The following KIRREL3 variants were observed in gnomAD, a reference collection of about 807,000 sequenced individuals.
KIRREL3 encodes the protein kirre like nephrin family adhesion molecule 3.
Under a neutral mutation model 89.7 loss-of-function variants are expected in KIRREL3, and 36 were observed. That is an observed-to-expected ratio of 0.40 (90% CI 0.31 to 0.53). The LOEUF (loss-of-function observed/expected upper bound fraction) is 0.53, where lower values mean the gene tolerates loss of function less well. Among genes scored for constraint, KIRREL3 ranks in the 20% least tolerant of loss-of-function variants. The pLI, the probability that KIRREL3 is intolerant of heterozygous loss-of-function variation, is 0.49. For missense variants in KIRREL3, 864 were observed against 1,056.6 expected (o/e 0.82, Z 2.53); for synonymous variants, 445 against 441.4 (o/e 1.01, Z -0.10).
At chr11:126,452,649 C>A (rs1035559725) in intron 7 of KIRREL3, among the ~76,000 whole-genome samples, 2 of 152,230 alleles carry the variant, frequency 1.3e-5, no homozygotes, top group Non-Finnish European at 2.9e-5. Context: ...ACCTGCTTGG[C>A]CCCAAGTAAT....
Position 126,611,294 on chromosome 11 carries a change from C to A in KIRREL3, c.56-48382G>T, listed in dbSNP as rs1943118171. Among the ~76,000 whole-genome samples, 1 of 152,188 alleles carries A rather than the reference C, an allele frequency of 6.6e-6. No homozygotes were observed. The highest frequency in any genetic ancestry group is 1.5e-5 in the Non-Finnish European group (1 of 68,028). On this transcript the variant is annotated intron_variant, in intron 1 of 16. Transcript: ENST00000525144. This position sits in a 1 kb window ranked among gnomAD's most constrained non-coding sequence, Gnocchi z 4.7. The stretch of plus-strand genomic sequence containing the variant: ...CCTACCACCGCACCCTCTCCCATTC[C>A]TTTCCTTCTCAATTCTATTGACATT...
At chr11:126,437,037 G>A in intron 11 of KIRREL3, 28 bp from the exon 12 acceptor site, 1 of 1,488,690 alleles carries the variant, frequency 6.7e-7, no homozygotes, top group East Asian at 2.5e-5. Context: ...ATCAGGAGGA[G>A]ACCCCACCAG....
Position 126,429,239 on chromosome 11 carries a change from G to C in KIRREL3, c.1746C>G (p.Val582=), listed in dbSNP as rs1565441937. The C allele has an allele frequency of 9.9e-6, 16 of 1,613,938 alleles. No individual in the cohort carries two copies. The highest frequency in any genetic ancestry group is 1.4e-5 in the Non-Finnish European group (16 of 1,179,848). ...CCCGACCAGAGGCTGGTTCCTTGTG[G>C]ACAATTTCCACTCGGATATCATTTT... is the stretch of plus-strand genomic sequence containing the variant. ...SAKNDIRVEI[V]HKEPASGREG... is the part of the protein sequence containing the mutation. The change falls in exon 15 of 17, where the codon GTC becomes GTG. Residue 582 remains valine, a synonymous_variant. Transcript: ENST00000525144. This position sits in a 1 kb window ranked among gnomAD's most constrained non-coding sequence, Gnocchi z 5.2.
rs985141139 is a variant in KIRREL3, at chr11:126,940,662, T to A, written c.55+59793A>T. 15 of 152,240 alleles carry A rather than the reference T, an allele frequency of 9.9e-5. No individual in the cohort carries two copies. The highest frequency in any genetic ancestry group is 9.2e-4 in the Admixed American group (14 of 15,282). The allele number at this position is 152,240 out of a possible 1,614,324, so 9.4% of individuals were successfully genotyped here. On this transcript the variant is annotated intron_variant, in intron 1 of 16. Transcript: ENST00000525144. This position sits in a 1 kb window ranked among gnomAD's most constrained non-coding sequence, Gnocchi z 4.6. ...TCATTTTTACATTCTAAGGCCATGT[T>A]CTTAGTATTGAACTTGACCACACAG...
intron 1 of KIRREL3, among the ~76,000 whole-genome samples, chr11:126,749,928 C>T (rs1949281265): frequency 6.6e-6 from 1 of 152,098 alleles, no homozygotes; most frequent in South Asian, 2.1e-4. Flanking sequence ...TGTAGAGAAA[C>T]CAGTGCGCGT....
intron 1 of KIRREL3, among the ~76,000 whole-genome samples, chr11:126,975,791 G>A (rs1267946719): frequency 5.9e-5 from 9 of 152,112 alleles, no homozygotes; most frequent in African/African-American, 1.9e-4. Flanking sequence ...TAAGCCTGAA[G>A]AACTCCTAAG....
intron 4 of KIRREL3, among the ~76,000 whole-genome samples, chr11:126,500,912 T>A (rs1957837531): frequency 6.6e-6 from 1 of 152,232 alleles, no homozygotes; most frequent in Non-Finnish European, 1.5e-5. Context: ...TATAATTTAC[T>A]TCATTCACAG....
chr11:127,000,501 G>A lies in KIRREL3; in HGVS notation c.9C>T (p.Pro3=). Residue 3 remains proline (P), a synonymous_variant, in exon 1 of 17, where the codon CCC becomes CCT. Coordinates refer to ENST00000525144, the MANE Select transcript of KIRREL3 (RefSeq NM_032531.4). This position sits in a 1 kb window ranked among gnomAD's most constrained non-coding sequence, Gnocchi z 7.1. ...AGACGAAGAGCAGATCGAGCTGGAA[G>A]GGTTTCATTCCTTAGCGCAGCGAAG... MK[P]FQLDLLFVCF... The A allele has an allele frequency of 1.2e-6, 2 of 1,607,258 alleles. No individual in the cohort carries two copies. The highest frequency in any genetic ancestry group is 1.7e-6 in the Non-Finnish European group (2 of 1,176,918).
In KIRREL3 at chr11:126,863,478, C is replaced by CGT. The variant is rs1565363127; in HGVS notation, c.55+136975_55+136976dup. ...GTTTGAGTGCGTGTGTGTGTGAGTG[C>CGT]GTGTGTGAGTGCGTGTGTGAGTGTG... On this transcript the variant is annotated intron_variant, in intron 1 of 16. Transcript: ENST00000525144. Among the ~76,000 whole-genome samples, 5 of 52,266 alleles carry CGT rather than the reference C, an allele frequency of 9.6e-5. No homozygotes were observed. The Admixed American group carries it at 9.7e-4, about 10-fold the overall frequency. The allele number at this position is 52,266 out of a possible 152,430, so 34.3% of individuals were successfully genotyped here. A position where few individuals can be genotyped will look rare whatever the true frequency, so the allele number is the denominator to read the frequency against.
intron 1 of KIRREL3, among the ~76,000 whole-genome samples, chr11:126,804,822 C>G (rs1951154252): frequency 6.6e-6 from 1 of 152,086 alleles, no homozygotes; most frequent in Non-Finnish European, 1.5e-5. Flanking sequence ...AGTGGATAAA[C>G]TATGTTGGGT....
intron 4 of KIRREL3, among the ~76,000 whole-genome samples, chr11:126,510,442 T>TTCCTTCCTTCCTTCCG (rs1958182305): frequency 6.7e-6 from 1 of 149,276 alleles, no homozygotes; most frequent in African/African-American, 2.5e-5. Context: ...CCTTCCTTCC[T>TTCCTTCCTTCCTTCCG]TCCTTCCTTC....
At chr11:126,567,729 C>T (rs1264206607) in intron 1 of KIRREL3, among the ~76,000 whole-genome samples, 2 of 150,244 alleles carry the variant, frequency 1.3e-5, no homozygotes, top group Non-Finnish European at 3.0e-5. Context: ...GCATGCCTGG[C>T]ACCCAGCGGC....
At chr11:126,511,548 G>C (rs1958222989) in intron 4 of KIRREL3, among the ~76,000 whole-genome samples, 2 of 152,150 alleles carry the variant, frequency 1.3e-5, no homozygotes, top group South Asian at 4.1e-4. Context: ...CCGGCTCATG[G>C]GCATTGCGTC....
intron 1 of KIRREL3, among the ~76,000 whole-genome samples, chr11:126,572,944 C>T (rs1941045618): frequency 6.6e-6 from 1 of 152,178 alleles, no homozygotes; most frequent in South Asian, 2.1e-4. Context: ...TCAAGCCCCT[C>T]ACATGCTGCC....
At chr11:126,505,650 A>G (rs1046826311) in intron 4 of KIRREL3, among the ~76,000 whole-genome samples, 2 of 152,216 alleles carry the variant, frequency 1.3e-5, no homozygotes, top group Non-Finnish European at 2.9e-5. Context: ...TACACCATCT[A>G]TATATAATCT....
chr11:126,803,330 C>T (rs1275120984), intron 1 of KIRREL3, among the ~76,000 whole-genome samples: 1 of 152,018 alleles, frequency 6.6e-6, no homozygotes, highest in Non-Finnish European at 1.5e-5. Context: ...GGAGAAGTGG[C>T]ATTGGAAGTA....
At chr11:126,649,798 TCA>T (rs1944838591) in intron 1 of KIRREL3, among the ~76,000 whole-genome samples, 1 of 152,240 alleles carries the variant, frequency 6.6e-6, no homozygotes, top group Non-Finnish European at 1.5e-5. Flanking sequence ...GGCCCTCCTC[TCA>T]CAGCTCCACT....
intron 1 of KIRREL3, among the ~76,000 whole-genome samples, chr11:126,968,049 T>C (rs528025877): frequency 6.6e-6 from 1 of 152,220 alleles, no homozygotes; most frequent in Admixed American, 6.5e-5. Context: ...AGAAACTTCA[T>C]AGACATTTGC....
rs1950538460 is a variant in KIRREL3 at position 126,788,205 on chromosome 11, A to G, written c.55+212250T>C. Among the ~76,000 whole-genome samples the G allele has an allele frequency of 6.6e-6, 1 of 152,208 alleles. No individual in the cohort carries two copies. The highest frequency in any genetic ancestry group is 2.4e-5 in the African/African-American group (1 of 41,454). On this transcript the variant is annotated intron_variant, in intron 1 of 16. Coordinates refer to ENST00000525144, the MANE Select transcript of KIRREL3 (RefSeq NM_032531.4). This position sits in a 1 kb window ranked among gnomAD's most constrained non-coding sequence, Gnocchi z 4.1. The stretch of plus-strand genomic sequence containing the variant: ...GGGACAAATGCACAATCTGGAAGGA[A>G]ATCGTTTCTAACCATCTCTTTTTCA...
Sources: gnomAD v4.1 joint callset for allele counts (sites outside exome capture counted in the v4.1 genomes callset) on GRCh38, gnomAD v4.1.1 for gene constraint, Gnocchi (gnomAD v3.1) non-coding constraint, MANE v1.5 for transcripts, NCBI Gene and HGNC (gene_info 2026-07-23, HGNC 2026-07-21) for gene names.